The following SUCLG1 variants were observed in gnomAD, a reference collection of about 807,000 sequenced individuals.
The protein encoded by SUCLG1 is succinate-CoA ligase GDP/ADP-forming subunit alpha.
Under a neutral mutation model 37.3 loss-of-function variants are expected in SUCLG1, and 26 were observed. That is an observed-to-expected ratio of 0.70 (90% CI 0.51 to 0.97). The LOEUF (loss-of-function observed/expected upper bound fraction) is 0.97. SUCLG1 is among the 50% of genes least tolerant of loss of function. The pLI is 0.00. For synonymous variants in SUCLG1, 163 were observed against 155.6 expected (o/e 1.05, Z -0.36); for missense variants, 433 against 432.9 (o/e 1.00, Z 0.00).
chr2:84,426,813 T>C (rs201110113), intron 7 of SUCLG1: 2 of 152,146 alleles, frequency 1.3e-5, no homozygotes, highest in East Asian at 3.9e-4. Flanking sequence ...TGAGCACAAG[T>C]GGAACCTGAG....
At chr2:84,434,729 A>G (rs1419166517) in intron 5 of SUCLG1, among the ~76,000 whole-genome samples, 1 of 150,844 alleles carries the variant, frequency 6.6e-6, no homozygotes, top group Non-Finnish European at 1.5e-5. Context: ...AACCTGAGAC[A>G]AAAACCATAA....
chr2:84,457,706 T>C (rs2104273029), intron 1 of SUCLG1, among the ~76,000 whole-genome samples: 1 of 152,314 alleles, frequency 6.6e-6, no homozygotes, highest in African/African-American at 2.4e-5. Flanking sequence ...CATCTGATCT[T>C]CTACATTCTA....
At chr2:84,443,443 G>A (rs750390697) in intron 2 of SUCLG1, 43 bp from the exon 3 acceptor site, 1 of 1,564,738 alleles carries the variant, frequency 6.4e-7, no homozygotes, top group Non-Finnish European at 8.8e-7. Flanking sequence ...CAGCAGACTG[G>A]TAAGCCCAAG....
At chr2:84,433,518 G>A (rs188994458) in intron 5 of SUCLG1, 83 bp from the exon 6 acceptor site, 46 of 1,109,270 alleles carry the variant, frequency 4.1e-5, no homozygotes, top group East Asian at 3.2e-4. Context: ...CAAACACTTC[G>A]AGTGACTAAC....
chr2:84,441,567 AC>A, intron 3 of SUCLG1, 108 bp from the exon 4 acceptor site: 1 of 1,210,892 alleles, frequency 8.3e-7, no homozygotes, highest in Non-Finnish European at 1.2e-6. Flanking sequence ...AAAGGACACT[AC>A]CCAGAGACAT....
chr2:84,449,881 C>G (rs893254043), intron 1 of SUCLG1, 129 bp from the exon 2 acceptor site: 6 of 642,370 alleles, frequency 9.3e-6, no homozygotes, highest in Non-Finnish European at 1.6e-5. Flanking sequence ...GTGATCACGG[C>G]AAACCTAAAT....
chr2:84,431,793 T>C, intron 6 of SUCLG1, 134 bp from the exon 7 acceptor site: 1 of 868,050 alleles, frequency 1.2e-6, no homozygotes, highest in South Asian at 1.6e-5. Flanking sequence ...TCATTGCTCT[T>C]GCATTTAATA....
At chr2:84,442,803 C>T (rs1672794757) in intron 3 of SUCLG1, among the ~76,000 whole-genome samples, 1 of 152,190 alleles carries the variant, frequency 6.6e-6, no homozygotes, top group African/African-American at 2.4e-5. Context: ...CCATCCTAAG[C>T]CTGCCACTTA....
Position 84,459,238 on chromosome 2 carries a change from A to C in SUCLG1, c.32T>G (p.Ile11Ser). 6.4e-7 allele frequency: 1 copy of C among 1,550,536 alleles called. No individual in the cohort carries two copies. Among genetic ancestry groups the C allele is most frequent in the South Asian group, 1.2e-5 (1 of 84,036 alleles). MTATLAAAAD[I>S]ATMVSGSSGL... The stretch of plus-strand genomic sequence containing the variant: ...GCTGCTGCCGGAGACCATGGTAGCG[A>C]TGTCAGCGGCAGCGGCAAGGGTTGC... The change falls in exon 1 of 9, where the codon ATC (isoleucine) becomes AGC (serine). Residue 11 changes from isoleucine to serine, a missense_variant. Coordinates refer to ENST00000393868, the MANE Select transcript of SUCLG1 (RefSeq NM_003849.4).
chr2:84,425,725 T>C (rs1282892738), intron 7 of SUCLG1, 122 bp from the exon 8 acceptor site: 4 of 1,085,670 alleles, frequency 3.7e-6, no homozygotes, highest in African/African-American at 3.1e-5. Context: ...ACCATTCATC[T>C]TAGGAAAACC....
At chr2:84,459,115 G>A (rs1195045622) in intron 1 of SUCLG1, 58 bp downstream of exon 1, 3 of 1,498,994 alleles carry the variant, frequency 2.0e-6, no homozygotes, top group Non-Finnish European at 2.7e-6. Flanking sequence ...CCAGGAGGTT[G>A]GGTCCGGCGG....
intron 2 of SUCLG1, among the ~76,000 whole-genome samples, chr2:84,444,535 G>A (rs1449079878): frequency 6.6e-6 from 1 of 152,194 alleles, no homozygotes; most frequent in Non-Finnish European, 1.5e-5. Context: ...CAGGACCACA[G>A]GACCACAGGA....
intron 5 of SUCLG1, 120 bp from the exon 6 acceptor site, chr2:84,433,555 T>A (rs1471926011): frequency 1.2e-6 from 1 of 836,942 alleles, no homozygotes; most frequent in African/African-American, 1.7e-5. Flanking sequence ...TTCCATGATT[T>A]GCCATCAAAA....
chr2:84,449,441 T>C (rs1400243466), intron 2 of SUCLG1, among the ~76,000 whole-genome samples: 2 of 152,140 alleles, frequency 1.3e-5, no homozygotes, highest in African/African-American at 2.4e-5. Context: ...GCATACAATA[T>C]ACTCCTTTGC....
intron 6 of SUCLG1, 30 bp downstream of exon 6, chr2:84,433,322 A>C: frequency 1.3e-6 from 2 of 1,597,434 alleles, no homozygotes; most frequent in Admixed American, 1.7e-5. Context: ...ACCACACTCC[A>C]ATAAAATGAT....
intron 2 of SUCLG1, among the ~76,000 whole-genome samples, chr2:84,445,666 C>T (rs984387761): frequency 1.3e-5 from 2 of 152,156 alleles, no homozygotes; most frequent in East Asian, 1.9e-4. Flanking sequence ...ATATTAGATC[C>T]ATTAGTAGAG....
chr2:84,426,039 T>C, intron 7 of SUCLG1: 1 of 251,316 alleles, frequency 4.0e-6, no homozygotes, highest in Admixed American at 5.2e-5. Context: ...GTGGGAAGTA[T>C]ACTGGAAAGG....
chr2:84,441,671 T>C (rs895218616), intron 3 of SUCLG1, among the ~76,000 whole-genome samples: 2 of 152,164 alleles, frequency 1.3e-5, no homozygotes, highest in Admixed American at 6.5e-5. Flanking sequence ...CCACTGTGAA[T>C]TGAAAGCTTC....
chr2:84,437,253 A>G (rs1672702370), intron 5 of SUCLG1, among the ~76,000 whole-genome samples: 1 of 152,240 alleles, frequency 6.6e-6, no homozygotes, highest in South Asian at 2.1e-4. Context: ...ACTTTTAAAT[A>G]AATATGAAAA....
Sources: gnomAD v4.1 joint callset for allele counts (sites outside exome capture counted in the v4.1 genomes callset) on GRCh38, gnomAD v4.1.1 for gene constraint, MANE v1.5 for transcripts, NCBI Gene and HGNC (gene_info 2026-07-23, HGNC 2026-07-21) for gene names.